The following CLMP variants were observed in gnomAD, a reference collection of about 807,000 sequenced individuals.
CLMP encodes CXADR-like membrane protein.
CLMP carries 27 observed loss-of-function variants against 45.2 expected under a neutral mutation model. The ratio of observed to expected loss-of-function variants is 0.60; its 90% CI spans 0.44 to 0.82. The LOEUF is 0.82. CLMP is among the 40% of genes least tolerant of loss of function. The pLI is 0.00. For synonymous variants in CLMP, 167 were observed against 171.4 expected, an observed-to-expected ratio of 0.97 and a Z score of 0.20; for missense variants, 403 against 448.4, an observed-to-expected ratio of 0.90 and a Z score of 0.91.
chr11:123,161,272 G>A (rs951246008), intron 1 of CLMP, among the ~76,000 whole-genome samples: 5 of 152,180 alleles, frequency 3.3e-5, no homozygotes, highest in Non-Finnish European at 7.3e-5. Flanking sequence ...GACAGATGGA[G>A]CAAATAATTT....
At chr11:123,101,781 A>G (rs1306423508) in intron 1 of CLMP, among the ~76,000 whole-genome samples, 2 of 152,212 alleles carry the variant, frequency 1.3e-5, no homozygotes, top group African/African-American at 4.8e-5. Flanking sequence ...CCAAAACTCA[A>G]CCGCTTTTGC....
At chr11:123,085,086 G>T (rs1348138266) in intron 2 of CLMP, among the ~76,000 whole-genome samples, 1 of 151,946 alleles carries the variant, frequency 6.6e-6, no homozygotes, top group Non-Finnish European at 1.5e-5. Context: ...CATGTATTAA[G>T]CATAGACTTA....
intron 1 of CLMP, among the ~76,000 whole-genome samples, chr11:123,151,668 C>T (rs1861338914): frequency 6.6e-6 from 1 of 152,206 alleles, no homozygotes; most frequent in South Asian, 2.1e-4. Context: ...CAGAGCTGCA[C>T]CTTCTTCGTG....
chr11:123,172,251 A>G (rs1329187205), intron 1 of CLMP, among the ~76,000 whole-genome samples: 1 of 152,014 alleles, frequency 6.6e-6, no homozygotes, highest in Non-Finnish European at 1.5e-5. Context: ...AGCTGAGACT[A>G]CAGGCACCCA....
intron 5 of CLMP, among the ~76,000 whole-genome samples, chr11:123,076,095 C>T (rs1865736535): frequency 1.3e-5 from 2 of 152,044 alleles, no homozygotes; most frequent in Admixed American, 1.3e-4. Context: ...ATCACTTGAA[C>T]CTGGGAGGCA....
intron 1 of CLMP, among the ~76,000 whole-genome samples, chr11:123,109,365 A>G (rs1181886435): frequency 6.6e-6 from 1 of 151,704 alleles, no homozygotes; most frequent in African/African-American, 2.4e-5. Flanking sequence ...ATCATTTGTT[A>G]TCGATCTGAG....
At chr11:123,085,604 A>G (rs926055252) in intron 2 of CLMP, among the ~76,000 whole-genome samples, 3 of 151,110 alleles carry the variant, frequency 2.0e-5, no homozygotes, top group African/African-American at 7.3e-5. Flanking sequence ...ATAAAAAAAA[A>G]AAAAAAAAAA....
intron 1 of CLMP, among the ~76,000 whole-genome samples, chr11:123,109,333 G>A (rs1177152318): frequency 1.3e-5 from 2 of 152,258 alleles, no homozygotes; most frequent in African/African-American, 4.8e-5. Context: ...ATGATCTCAT[G>A]TGAACCCGTG....
rs117678772 is a variant in CLMP, at chr11:123,085,839, C to T, written c.187-1126G>A. Among the ~76,000 whole-genome samples, 105 of 147,912 alleles carry T rather than the reference C, an allele frequency of 7.1e-4. 1 individual carries two copies. In the East Asian group the frequency reaches 0.015, roughly 22 times the overall value. ...TCGCCCGGTCTGGAGTACAATGGTGCGATCCTGGCTCACTGCAACCTCTGT... is the reference window on the plus strand; with the variant it reads ...TCGCCCGGTCTGGAGTACAATGGTGTGATCCTGGCTCACTGCAACCTCTGT... On this transcript the variant is annotated intron_variant, in intron 2 of 6. Coordinates refer to ENST00000448775, the MANE Select transcript of CLMP (RefSeq NM_024769.5).
At chr11:123,160,717 C>T (rs894214166) in intron 1 of CLMP, among the ~76,000 whole-genome samples, 5 of 152,072 alleles carry the variant, frequency 3.3e-5, no homozygotes, top group African/African-American at 1.2e-4. Flanking sequence ...GTGACTCAAG[C>T]CTGTAATCCC....
intron 1 of CLMP, among the ~76,000 whole-genome samples, chr11:123,151,496 T>C (rs934964226): frequency 1.3e-5 from 2 of 152,206 alleles, no homozygotes; most frequent in Non-Finnish European, 1.5e-5. Context: ...ATTAAGCGTC[T>C]AACTACAGAA....
At chr11:123,125,511 C>CTT (rs1860877939) in intron 1 of CLMP, among the ~76,000 whole-genome samples, 1 of 91,922 alleles carries the variant, frequency 1.1e-5, no homozygotes, top group Non-Finnish European at 2.2e-5. Context: ...TTCCTCCCTT[C>CTT]CCTTCCCTTC....
chr11:123,165,098 T>G (rs1861539870), intron 1 of CLMP, among the ~76,000 whole-genome samples: 1 of 152,202 alleles, frequency 6.6e-6, no homozygotes, highest in Non-Finnish European at 1.5e-5. Context: ...AGACACCTCT[T>G]CAGACCAGAG....
chr11:123,174,788 G>C (rs561527564), intron 1 of CLMP, among the ~76,000 whole-genome samples: 1 of 152,230 alleles, frequency 6.6e-6, no homozygotes, highest in African/African-American at 2.4e-5. Context: ...TTATCTAAGG[G>C]TTATTTAATT....
intron 1 of CLMP, among the ~76,000 whole-genome samples, chr11:123,144,433 G>A (rs1037797963): frequency 1.3e-5 from 2 of 152,226 alleles, no homozygotes; most frequent in Non-Finnish European, 2.9e-5. Flanking sequence ...GTGCAATGGT[G>A]CAATCTCGGC....
At chr11:123,085,164 G>A (rs1356771140) in intron 2 of CLMP, among the ~76,000 whole-genome samples, 1 of 149,694 alleles carries the variant, frequency 6.7e-6, no homozygotes, top group African/African-American at 2.5e-5. Flanking sequence ...AACGATGTCG[G>A]CAAACCTGCC....
rs191063248 is a variant in CLMP, at chr11:123,071,583, G to A, written c.*1891C>T. ...TATCAGAACTCCAAAAATTAGCTGG[G>A]TGTGATGGCAGGCACCTGTAATACC... is the stretch of plus-strand genomic sequence containing the variant. On this transcript the variant is annotated 3_prime_UTR_variant, in exon 7 of 7. Transcript: ENST00000448775. 6.6e-6 allele frequency: 1 copy of A among 152,236 alleles called. No homozygotes were observed. The highest frequency in any genetic ancestry group is 1.9e-4 in the East Asian group (1 of 5,188). 9.4% of individuals were successfully genotyped at this position (152,236 alleles called of 1,614,324 possible).
At chr11:123,192,397 G>C (rs571373825) in intron 1 of CLMP, among the ~76,000 whole-genome samples, 8 of 152,318 alleles carry the variant, frequency 5.3e-5, no homozygotes, top group African/African-American at 1.9e-4. Context: ...ATAAGAACCA[G>C]AGAGGTTGCC....
chr11:123,160,137 G>A (rs4393328), intron 1 of CLMP, among the ~76,000 whole-genome samples: 10,098 of 151,820 alleles, frequency 0.067, 414 homozygotes, highest in African/African-American at 0.11. Flanking sequence ...AAAATTAGCC[G>A]GTCATGGTGT....
Sources: allele counts gnomAD v4.1 joint callset (sites outside exome capture counted in the v4.1 genomes callset), GRCh38; gene constraint gnomAD v4.1.1; transcripts MANE v1.5; gene names NCBI Gene and HGNC (gene_info 2026-07-23, HGNC 2026-07-21).